The following PAG1 variants were observed in gnomAD, a reference collection of about 807,000 sequenced individuals.
The protein encoded by PAG1 is phosphoprotein associated with glycosphingolipid-enriched microdomains 1.
Under a neutral mutation model 31.7 loss-of-function variants are expected in PAG1, and 23 were observed. That is an observed-to-expected ratio of 0.73 (90% CI 0.52 to 1.03). The LOEUF is 1.03. PAG1 is among the 50% of genes least tolerant of loss of function. The probability of loss-of-function intolerance (pLI) is 0.00; values close to 1 mark genes in which losing one functional copy is unlikely to be tolerated. For synonymous variants in PAG1, 214 were observed against 210.3 expected (o/e 1.02, Z -0.15); for missense variants, 473 against 540.7 (o/e 0.87, Z 1.24).
intron 8 of PAG1, among the ~76,000 whole-genome samples, chr8:80,980,206 C>A (rs1020843971): frequency 6.6e-6 from 1 of 152,326 alleles, no homozygotes; most frequent in East Asian, 1.9e-4. Flanking sequence ...CTTTCCTGCT[C>A]AGTTTCTTTT....
intron 8 of PAG1, among the ~76,000 whole-genome samples, chr8:80,978,424 T>G (rs963846585): frequency 6.6e-6 from 1 of 152,220 alleles, no homozygotes; most frequent in Non-Finnish European, 1.5e-5. Context: ...AAAAATTATA[T>G]GTGGACAGAT....
intron 1 of PAG1, among the ~76,000 whole-genome samples, chr8:81,103,984 T>A (rs1339128684): frequency 6.6e-6 from 1 of 152,342 alleles, no homozygotes; most frequent in South Asian, 2.1e-4. Context: ...GATAATTCTA[T>A]AAGCTTCTTG....
At chr8:81,062,795 C>T (rs773619081) in intron 2 of PAG1, among the ~76,000 whole-genome samples, 9 of 152,126 alleles carry the variant, frequency 5.9e-5, no homozygotes, top group Non-Finnish European at 8.8e-5. Flanking sequence ...CCTCCCACCT[C>T]GGCCTCTTGA....
intron 1 of PAG1, among the ~76,000 whole-genome samples, chr8:81,072,130 T>G (rs1000880269): frequency 3.3e-5 from 5 of 152,122 alleles, no homozygotes; most frequent in African/African-American, 9.7e-5. Context: ...AGGGTTGGGG[T>G]TCTGCTAGTG....
Position 80,990,350 on chromosome 8 carries a change from T to C in PAG1, c.177+1129A>G, listed in dbSNP as rs1307764201. Among the ~76,000 whole-genome samples the C allele has an allele frequency of 3.9e-5, 6 of 152,130 alleles. No individual in the cohort carries two copies. The highest frequency in any genetic ancestry group is 8.8e-5 in the Non-Finnish European group (6 of 68,014). On this transcript the variant is annotated intron_variant, in intron 5 of 8. Transcript: ENST00000220597. The surrounding 1 kb of genome is among the most constrained non-coding windows in gnomAD (Gnocchi z 5.1). Reference sequence around the variant, plus strand: ...AGGAAGCCTAGACTGGAGATGCCCCTGGTCATCTCTGCAAACGTCTGCTGG... The same window carrying C: ...AGGAAGCCTAGACTGGAGATGCCCCCGGTCATCTCTGCAAACGTCTGCTGG...
chr8:81,099,108 T>C (rs1368790561), intron 1 of PAG1, among the ~76,000 whole-genome samples: 1 of 152,220 alleles, frequency 6.6e-6, no homozygotes, highest in Admixed American at 6.5e-5. Flanking sequence ...TACTGTGTGT[T>C]GCCTGGATCC....
intron 2 of PAG1, among the ~76,000 whole-genome samples, chr8:81,031,703 T>C (rs1477926511): frequency 6.6e-6 from 1 of 152,248 alleles, no homozygotes; most frequent in Non-Finnish European, 1.5e-5. Context: ...ATGAGTAAGA[T>C]CCTGACTTGA....
chr8:81,079,729 T>TTAC (rs1376743250), intron 1 of PAG1, among the ~76,000 whole-genome samples: 1 of 152,106 alleles, frequency 6.6e-6, no homozygotes, highest in Non-Finnish European at 1.5e-5. Flanking sequence ...ATTATTATTA[T>TTAC]GCGTATCGCA....
intron 1 of PAG1, among the ~76,000 whole-genome samples, chr8:81,086,139 G>A (rs1809352361): frequency 6.6e-6 from 1 of 150,530 alleles, no homozygotes; most frequent in East Asian, 1.9e-4. Flanking sequence ...CCGCTACCAC[G>A]CCCGGCTAAT....
chr8:81,095,910 A>C (rs1208449161), intron 1 of PAG1, among the ~76,000 whole-genome samples: 1 of 152,258 alleles, frequency 6.6e-6, no homozygotes. Context: ...ATCTGTGCTC[A>C]GGGAAAATGA....
At position 80,976,851 on chromosome 8, in the gene PAG1, C is replaced by A. The variant is rs769772689; in HGVS notation, c.992G>T (p.Gly331Val). The stretch of plus-strand genomic sequence containing the variant: ...GGACTCCGGAACTGTAAGCGACTGC[C>A]CCGATTTATTCACTAACTGTCCAGG... ...NKPGQLVNKS[G>V]QSLTVPESTY... is the part of the protein sequence containing the mutation. The change falls in exon 9 of 9, where the codon GGG becomes GTG. Residue 331 changes from glycine to valine, a missense_variant. Physicochemically the swap from Gly to Val is moderately radical, Grantham distance 109 (BLOSUM62 -3). Coordinates refer to ENST00000220597, the MANE Select transcript of PAG1 (RefSeq NM_018440.4). 3 of 1,613,492 alleles carry A rather than the reference C, an allele frequency of 1.9e-6. No individual in the cohort carries two copies. Among genetic ancestry groups the A allele is most frequent in the African/African-American group, 2.7e-5 (2 of 74,892 alleles).
intron 3 of PAG1, among the ~76,000 whole-genome samples, chr8:81,018,918 A>T (rs1325029703): frequency 1.3e-5 from 2 of 152,222 alleles, no homozygotes; most frequent in African/African-American, 2.4e-5. Context: ...GAGGGCTCAG[A>T]AGAAGATAAG....
At chr8:81,094,258 C>T (rs1436218168) in intron 1 of PAG1, among the ~76,000 whole-genome samples, 2 of 152,224 alleles carry the variant, frequency 1.3e-5, no homozygotes, top group Non-Finnish European at 2.9e-5. Flanking sequence ...ACCCTATCCA[C>T]ATGAGCAAAT....
intron 6 of PAG1, 122 bp from the exon 7 acceptor site, chr8:80,985,499 C>G (rs1449674368): frequency 1.0e-6 from 1 of 959,820 alleles, no homozygotes; most frequent in Non-Finnish European, 1.5e-6. Flanking sequence ...GTCTCAGGCA[C>G]AAATTATAGT....
intron 2 of PAG1, among the ~76,000 whole-genome samples, chr8:81,042,536 C>A (rs1243228548): frequency 6.6e-6 from 1 of 151,940 alleles, no homozygotes; most frequent in Non-Finnish European, 1.5e-5. Flanking sequence ...TTTGGAGGTG[C>A]TTATCTGATT....
rs1377221534 is a variant in PAG1 at position 80,971,852 on chromosome 8, T to C, written c.*4692A>G. ...ATGAGCAGTAGGATAAAAAAAACCA[T>C]GAATGTTTGTTCTCTTCTGGACCAT... On this transcript the variant is annotated 3_prime_UTR_variant, in exon 9 of 9. Transcript: ENST00000220597. The C allele has an allele frequency of 2.6e-5, 4 of 152,206 alleles. No homozygotes were observed. Among genetic ancestry groups the C allele is most frequent in the East Asian group, 3.8e-4 (2 of 5,196 alleles). 9.4% of individuals were successfully genotyped at this position (152,206 alleles called of 1,614,324 possible).
At chr8:81,071,476 G>C (rs1809092282) in intron 1 of PAG1, among the ~76,000 whole-genome samples, 1 of 152,200 alleles carries the variant, frequency 6.6e-6, no homozygotes, top group Non-Finnish European at 1.5e-5. Context: ...TGGGTGCTGG[G>C]AAATTTCCCC....
intron 3 of PAG1, among the ~76,000 whole-genome samples, chr8:81,015,512 GAATGTATAATGTTT>G (rs748415324): frequency 2.0e-5 from 3 of 152,226 alleles, no homozygotes; most frequent in Non-Finnish European, 4.4e-5. Flanking sequence ...AACAGGGAAA[GAATGTATAATGTTT>G]AACCTTTGTA....
chr8:81,070,757 T>C (rs776135170), intron 1 of PAG1, among the ~76,000 whole-genome samples: 3 of 152,230 alleles, frequency 2.0e-5, no homozygotes, highest in Non-Finnish European at 4.4e-5. Flanking sequence ...TGTATTTTTG[T>C]TAACATGGCT....
Sources: allele counts gnomAD v4.1 joint callset (sites outside exome capture counted in the v4.1 genomes callset), GRCh38; gene constraint gnomAD v4.1.1; non-coding constraint Gnocchi (gnomAD v3.1); transcripts MANE v1.5; gene names NCBI Gene and HGNC (gene_info 2026-07-23, HGNC 2026-07-21).